Variants in RECK observed in about 807,000 individuals in gnomAD.
RECK encodes reversion-inducing cysteine-rich protein with Kazal motifs.
Under a neutral mutation model 115.1 loss-of-function variants are expected in RECK, and 69 were observed. The observed-to-expected ratio is 0.60, with a 90% CI of 0.49 to 0.73. The LOEUF is 0.73. RECK is among the 30% of genes least tolerant of loss of function. The pLI is 0.00. For missense variants in RECK, 1,047 were observed against 1,203.7 expected (o/e 0.87, Z 1.93); for synonymous variants, 414 against 419.7 (o/e 0.99, Z 0.17).
rs202091867 is a variant in RECK, at chr9:36,052,264, G to C, written c.101-1G>C. 1.3e-5 allele frequency: 21 copies of C among 1,597,400 alleles called. No individual in the cohort carries two copies. The highest frequency in any genetic ancestry group is 8.6e-7 in the Non-Finnish European group (1 of 1,165,294). On this transcript the variant is annotated splice_acceptor_variant, in intron 1 of 20. Transcript: ENST00000377966. LOFTEE classifies it high-confidence loss of function. ...ATTTGATGTTTATTTTTTCTCCCTA[G>C]GTGCATTGTGTTGTAATCATTCAAA...
chr9:36,100,293 A>G, intron 10 of RECK, 38 bp from the exon 11 acceptor site: 1 of 1,541,102 alleles, frequency 6.5e-7, no homozygotes, highest in South Asian at 1.1e-5. Flanking sequence ...CTAGAAAATA[A>G]TTGCCTCTTG....
chr9:36,097,611 C>T (rs1477766778), intron 10 of RECK, among the ~76,000 whole-genome samples: 2 of 152,012 alleles, frequency 1.3e-5, no homozygotes, highest in East Asian at 3.9e-4. Context: ...TTATGGGAAA[C>T]AGTATGGGGG....
intron 18 of RECK, among the ~76,000 whole-genome samples, chr9:36,119,475 A>G (rs2132676244): frequency 6.6e-6 from 1 of 152,320 alleles, no homozygotes; most frequent in Admixed American, 6.5e-5. Flanking sequence ...GTTTTTAGCA[A>G]TAACAGTTTT....
chr9:36,063,393 G>T (rs977863139), intron 4 of RECK, among the ~76,000 whole-genome samples: 1 of 152,040 alleles, frequency 6.6e-6, no homozygotes, highest in Admixed American at 6.5e-5. Flanking sequence ...TAATACTTGT[G>T]CCCTTTCTTG....
At chr9:36,083,855 A>G (rs541096901) in intron 8 of RECK, among the ~76,000 whole-genome samples, 3 of 152,328 alleles carry the variant, frequency 2.0e-5, no homozygotes, top group African/African-American at 4.8e-5. Flanking sequence ...ATTTCAAATT[A>G]TCATAAGCTT....
In RECK at chr9:36,120,572, C is replaced by T. The variant is rs577353867; in HGVS notation, c.2465-91C>T. On this transcript the variant is annotated intron_variant, in intron 18 of 20. Coordinates refer to ENST00000377966, the MANE Select transcript of RECK (RefSeq NM_021111.3). ...TGGGAAGGACACTGTAACTCTCCTG[C>T]CCAAAATGAAGGGCTGGACATTTCA... is the stretch of plus-strand genomic sequence containing the variant. 238 of 1,061,916 alleles carry T rather than the reference C, an allele frequency of 2.2e-4. 2 individuals are homozygous for T. In the South Asian group the frequency reaches 3.2e-3, roughly 14 times the overall value. The allele number at this position is 1,061,916 out of a possible 1,614,324, so 65.8% of individuals were successfully genotyped here.
chr9:36,089,544 G>A (rs772858710), intron 9 of RECK, among the ~76,000 whole-genome samples: 4 of 152,080 alleles, frequency 2.6e-5, no homozygotes, highest in South Asian at 2.1e-4. Context: ...AATCAGAAAC[G>A]TTTTGAGTGC....
intron 4 of RECK, among the ~76,000 whole-genome samples, chr9:36,061,365 C>G (rs888309229): frequency 4.1e-5 from 6 of 147,150 alleles, no homozygotes; most frequent in African/African-American, 1.5e-4. Context: ...ATGCTTGTAC[C>G]CAGCATCCTT....
At chr9:36,063,689 T>C in intron 4 of RECK, 106 bp from the exon 5 acceptor site, 1 of 995,442 alleles carries the variant, frequency 1.0e-6, no homozygotes, top group Non-Finnish European at 1.5e-6. Context: ...ACCAGTTTTC[T>C]TATGGACAGC....
At position 36,123,145 on chromosome 9, in the gene RECK, G is replaced by A. The variant is rs751458322; in HGVS notation, c.*100G>A. 3.4e-6 allele frequency: 3 copies of A among 869,574 alleles called. No individual in the cohort carries two copies. Among genetic ancestry groups the A allele is most frequent in the Non-Finnish European group, 5.3e-6 (3 of 561,494 alleles). 53.9% of individuals were successfully genotyped at this position (869,574 alleles called of 1,614,324 possible). Reference sequence around the variant, plus strand: ...TGTAGTTGAATATTGGCCAAGGAAAGGCACATGTCACCTCTATTCGCCACA... The same window carrying A: ...TGTAGTTGAATATTGGCCAAGGAAAAGCACATGTCACCTCTATTCGCCACA... On this transcript the variant is annotated 3_prime_UTR_variant, in exon 21 of 21. Coordinates refer to ENST00000377966, the MANE Select transcript of RECK (RefSeq NM_021111.3).
intron 10 of RECK, among the ~76,000 whole-genome samples, chr9:36,100,092 T>C (rs546230697): frequency 5.3e-5 from 8 of 152,212 alleles, no homozygotes; most frequent in African/African-American, 1.7e-4. Context: ...GTTTGGAGAA[T>C]TGTGAAGTTT....
At chr9:36,064,020 C>G (rs959585593) in intron 5 of RECK, 140 bp downstream of exon 5, 1 of 678,640 alleles carries the variant, frequency 1.5e-6, no homozygotes, top group Non-Finnish European at 2.5e-6. Flanking sequence ...TTTGTATAGA[C>G]CATTTCCTTT....
At chr9:36,062,117 C>T (rs1821796197) in intron 4 of RECK, among the ~76,000 whole-genome samples, 1 of 151,446 alleles carries the variant, frequency 6.6e-6, no homozygotes, top group Admixed American at 6.6e-5. Flanking sequence ...TTCCTGCAAG[C>T]ATAAGGCTTT....
intron 20 of RECK, 67 bp from the exon 21 acceptor site, chr9:36,122,757 T>G: frequency 1.5e-6 from 2 of 1,311,766 alleles, no homozygotes; most frequent in Non-Finnish European, 2.2e-6. Flanking sequence ...ATACGTGGAA[T>G]TTGTCTGGCT....
intron 1 of RECK, among the ~76,000 whole-genome samples, chr9:36,039,164 TA>T (rs11308688): frequency 0.61 from 92,344 of 150,164 alleles, 29,679 homozygotes; most frequent in East Asian, 0.82. Flanking sequence ...CATTGTTTGA[TA>T]AAAAAAAAAA....
chr9:36,107,604 CAAAAAAA>C (rs11315233), intron 13 of RECK, among the ~76,000 whole-genome samples: 2 of 70,966 alleles, frequency 2.8e-5, no homozygotes, highest in African/African-American at 9.5e-5. Context: ...GACTCCGTCT[CAAAAAAA>C]AAAAAAAAAA....
chr9:36,043,820 G>A (rs1190630830), intron 1 of RECK, among the ~76,000 whole-genome samples: 1 of 152,090 alleles, frequency 6.6e-6, no homozygotes, highest in African/African-American at 2.4e-5. Context: ...TCGAAGATCA[G>A]TTGGCTGTAA....
rs1218493751 is a variant in RECK, at chr9:36,112,332, T to C, written c.1916T>C (p.Phe639Ser). 1 of 1,613,322 alleles carries C rather than the reference T, an allele frequency of 6.2e-7. No individual in the cohort carries two copies. The highest frequency in any genetic ancestry group is 1.7e-5 in the Admixed American group (1 of 59,996). The stretch of plus-strand genomic sequence containing the variant: ...CTGCCCTGTAACTGTGCAGATCAGT[T>C]TGTCCCTGTATGTGGGCAGAATGGG... The part of the protein sequence containing the change: ...TGLPCNCADQ[F>S]VPVCGQNGRT... The change falls in exon 16 of 21, where the codon TTT becomes TCT. Residue 639 changes from phenylalanine to serine, a missense_variant. Physicochemically the swap from Phe to Ser is radical, Grantham distance 155. Coordinates refer to ENST00000377966, the MANE Select transcript of RECK (RefSeq NM_021111.3).
At chr9:36,056,582 A>G (rs1000499830) in intron 2 of RECK, among the ~76,000 whole-genome samples, 2 of 152,188 alleles carry the variant, frequency 1.3e-5, no homozygotes, top group Admixed American at 6.5e-5. Context: ...GAGCTATCCA[A>G]TGACACTTTC....
Sources: gnomAD v4.1 joint callset for allele counts (sites outside exome capture counted in the v4.1 genomes callset) on GRCh38, gnomAD v4.1.1 for gene constraint, MANE v1.5 for transcripts, NCBI Gene and HGNC (gene_info 2026-07-23, HGNC 2026-07-21) for gene names.